C1GALT1: variants seen among roughly 807,000 people sequenced by gnomAD.
The protein encoded by C1GALT1 is core 1 synthase, glycoprotein-N-acetylgalactosamine 3-beta-galactosyltransferase 1, also known as glycoprotein-N-acetylgalactosamine 3-beta-galactosyltransferase 1.
Under a neutral mutation model 31.0 loss-of-function variants are expected in C1GALT1, and 11 were observed. That is an observed-to-expected ratio of 0.36 (90% CI 0.22 to 0.59). C1GALT1 has a LOEUF of 0.59. Among genes scored for constraint, C1GALT1 ranks in the 20% least tolerant of loss-of-function variants. The pLI, the probability that C1GALT1 is intolerant of heterozygous loss-of-function variation, is 0.79. For missense variants in C1GALT1, 424 were observed against 425.2 expected (o/e 1.00, Z 0.03); for synonymous variants, 175 against 143.6 (o/e 1.22, Z -1.56).
At chr7:7,210,888 C>T (rs1403243761) in intron 1 of C1GALT1, among the ~76,000 whole-genome samples, 1 of 152,142 alleles carries the variant, frequency 6.6e-6, no homozygotes, top group African/African-American at 2.4e-5. Flanking sequence ...TCTGGAGATG[C>T]TTTAAAAAAT....
In C1GALT1 at chr7:7,182,813, G is replaced by T; in HGVS notation, c.-25G>T. On this transcript the variant is annotated 5_prime_UTR_variant, in exon 1 of 4. Coordinates refer to ENST00000436587, the MANE Select transcript of C1GALT1 (RefSeq NM_020156.5). Reference sequence around the variant, plus strand: ...GGAGGGGCGAGAGGGAGCCGCAGCTGATGTCAGGTATGGCCGGCGGAGGCG... The same window carrying T: ...GGAGGGGCGAGAGGGAGCCGCAGCTTATGTCAGGTATGGCCGGCGGAGGCG... 4.1e-6 allele frequency: 4 copies of T among 985,618 alleles called. No individual in the cohort carries two copies. The highest frequency in any genetic ancestry group is 4.8e-6 in the Non-Finnish European group (4 of 830,090). The allele number at this position is 985,618 out of a possible 1,614,324, so 61.1% of individuals were successfully genotyped here.
At chr7:7,193,833 G>T (rs191565146) in intron 1 of C1GALT1, among the ~76,000 whole-genome samples, 31 of 152,142 alleles carry the variant, frequency 2.0e-4, no homozygotes, top group Admixed American at 1.9e-3. Flanking sequence ...CCATTTGTTT[G>T]TGTCATTTTC....
At chr7:7,201,176 G>T (rs1781515974) in intron 1 of C1GALT1, among the ~76,000 whole-genome samples, 1 of 152,166 alleles carries the variant, frequency 6.6e-6, no homozygotes, top group Non-Finnish European at 1.5e-5. Flanking sequence ...GTACAAAATG[G>T]GATTTTGGTG....
chr7:7,243,655 T>C lies in C1GALT1; in HGVS notation c.1020T>C (p.Pro340=). 1 of 1,610,194 alleles carries C rather than the reference T, an allele frequency of 6.2e-7. No homozygotes were observed. The highest frequency in any genetic ancestry group is 1.7e-5 in the Admixed American group (1 of 59,278). The change falls in exon 4 of 4, where the codon CCT becomes CCC. Residue 340 remains proline (P), a synonymous_variant. Coordinates refer to ENST00000436587, the MANE Select transcript of C1GALT1 (RefSeq NM_020156.5). ...TATACAGATATCAACCTACCTTACC[T>C]GAACGTATACTAAAGGAAATTAGTC... The part of the protein sequence containing the change: ...GYLYRYQPTL[P]ERILKEISQA...
In C1GALT1 at chr7:7,165,872, A is replaced by C. The variant is rs369908906; in HGVS notation, c.-18+8446A>C. 3.0e-4 allele frequency among the ~76,000 whole-genome samples: 46 copies of C among 152,280 alleles called. No homozygotes were observed. The South Asian group carries it at 4.8e-3, about 16-fold the overall frequency. On this transcript the variant is annotated intron_variant, in intron 2 of 3. Coordinates refer to the C1GALT1 transcript ENST00000429911. ...ATAGAAAAACTCATTTCATGCACAA[A>C]ATTTTTGAAAATATTGTATAAAATT...
Position 7,182,772 on chromosome 7 carries a change from C to T in C1GALT1, c.-66C>T. 1.0e-6 allele frequency: 1 copy of T among 985,308 alleles called. No homozygotes were observed. Among genetic ancestry groups the T allele is most frequent in the Non-Finnish European group, 1.2e-6 (1 of 829,798 alleles). The allele number at this position is 985,308 out of a possible 1,614,324, so 61.0% of individuals were successfully genotyped here. ...AAAGGTCACCAGTCCCAAGTCGTCCCCCTCTCCGCCCCCCAGGAGGGGCGA... is the reference window on the plus strand; with the variant it reads ...AAAGGTCACCAGTCCCAAGTCGTCCTCCTCTCCGCCCCCCAGGAGGGGCGA... On this transcript the variant is annotated 5_prime_UTR_variant, in exon 1 of 4. Coordinates refer to ENST00000436587, the MANE Select transcript of C1GALT1 (RefSeq NM_020156.5).
intron 1 of C1GALT1, among the ~76,000 whole-genome samples, chr7:7,211,515 A>C (rs979841276): frequency 6.6e-6 from 1 of 152,236 alleles, no homozygotes; most frequent in Non-Finnish European, 1.5e-5. Context: ...ATACAACAGC[A>C]ATGGAAACTC....
chr7:7,159,126 C>G (rs1012149914), intron 2 of C1GALT1, among the ~76,000 whole-genome samples: 2 of 152,018 alleles, frequency 1.3e-5, no homozygotes, highest in African/African-American at 4.8e-5. Context: ...AAAAAAAAGT[C>G]AAGAATCATG....
At chr7:7,206,450 G>A (rs1049928189) in intron 1 of C1GALT1, among the ~76,000 whole-genome samples, 6 of 152,112 alleles carry the variant, frequency 3.9e-5, no homozygotes, top group Middle Eastern at 3.4e-3. Context: ...TGAGGCAGGC[G>A]AATCACCTGA....
intron 1 of C1GALT1, among the ~76,000 whole-genome samples, chr7:7,189,330 T>G (rs943745909): frequency 6.6e-6 from 1 of 152,148 alleles, no homozygotes; most frequent in African/African-American, 2.4e-5. Flanking sequence ...AGTTAAAAAT[T>G]TAAAAAGATG....
chr7:7,157,738 C>T (rs1322964179), intron 2 of C1GALT1, among the ~76,000 whole-genome samples: 1 of 152,136 alleles, frequency 6.6e-6, no homozygotes, highest in East Asian at 1.9e-4. Context: ...TCTTATATTG[C>T]TTTCATTTTC....
chr7:7,241,801 T>C (rs908115581), intron 3 of C1GALT1, among the ~76,000 whole-genome samples: 5 of 152,162 alleles, frequency 3.3e-5, no homozygotes, highest in African/African-American at 1.2e-4. Context: ...AATTGTCTGC[T>C]AGCTCTTGTT....
chr7:7,164,522 T>C (rs1291096671), intron 2 of C1GALT1, among the ~76,000 whole-genome samples: 1 of 152,102 alleles, frequency 6.6e-6, no homozygotes, highest in Non-Finnish European at 1.5e-5. Flanking sequence ...GAGATCAGCA[T>C]GTAGAAAGTT....
chr7:7,200,179 G>A (rs9718639), intron 1 of C1GALT1, among the ~76,000 whole-genome samples: 4 of 152,086 alleles, frequency 2.6e-5, no homozygotes, highest in Non-Finnish European at 5.9e-5. Flanking sequence ...TGGCTGGTAC[G>A]GGTTGTTCCT....
chr7:7,169,996 G>T (rs753768300), intron 2 of C1GALT1, among the ~76,000 whole-genome samples: 14 of 152,168 alleles, frequency 9.2e-5, no homozygotes, highest in Non-Finnish European at 1.6e-4. Flanking sequence ...ACTTTTCTTT[G>T]TTGGGAGGTT....
chr7:7,158,645 A>G (rs1475648881), intron 2 of C1GALT1, among the ~76,000 whole-genome samples: 1 of 151,070 alleles, frequency 6.6e-6, no homozygotes, highest in Non-Finnish European at 1.5e-5. Flanking sequence ...GTATCTATTT[A>G]TATATGTATG....
At chr7:7,219,418 C>T (rs539098166) in intron 1 of C1GALT1, among the ~76,000 whole-genome samples, 6,600 of 151,122 alleles carry the variant, frequency 0.044, 285 homozygotes, top group African/African-American at 0.12. Context: ...ATGTTGATAA[C>T]AGGAAGCTAG....
intron 3 of C1GALT1, among the ~76,000 whole-genome samples, chr7:7,241,475 A>G (rs1252472975): frequency 6.6e-6 from 1 of 151,922 alleles, no homozygotes; most frequent in Non-Finnish European, 1.5e-5. Flanking sequence ...CTTTTTTTCT[A>G]AGTGTTTTGG....
chr7:7,210,276 C>T (rs1234851244), intron 1 of C1GALT1, among the ~76,000 whole-genome samples: 1 of 152,068 alleles, frequency 6.6e-6, no homozygotes, highest in African/African-American at 2.4e-5. Flanking sequence ...CAACTGGAGA[C>T]TTGGGGAGCT....
Sources: allele counts gnomAD v4.1 joint callset (sites outside exome capture counted in the v4.1 genomes callset), GRCh38; gene constraint gnomAD v4.1.1; transcripts MANE v1.5; gene names NCBI Gene and HGNC (gene_info 2026-07-23, HGNC 2026-07-21).